The following AKAP11 variants were observed in gnomAD, a reference collection of about 807,000 sequenced individuals.
AKAP11 encodes A-kinase anchoring protein 11.
AKAP11 carries 36 observed loss-of-function variants against 146.1 expected under a neutral mutation model. That is an observed-to-expected ratio of 0.25 (90% CI 0.19 to 0.33). The LOEUF (loss-of-function observed/expected upper bound fraction) is 0.33. Among genes scored for constraint, AKAP11 ranks in the 10% least tolerant of loss-of-function variants. AKAP11 has a pLI of 1.00. For synonymous variants in AKAP11, 780 were observed against 786.5 expected, an observed-to-expected ratio of 0.99 and a Z score of 0.14; for missense variants, 2,201 against 2,197.0, an observed-to-expected ratio of 1.00 and a Z score of -0.04.
chr13:42,304,755 CT>C (rs200885238), intron 8 of AKAP11, among the ~76,000 whole-genome samples: 322 of 144,480 alleles, frequency 2.2e-3, no homozygotes, highest in Non-Finnish European at 1.9e-3. Context: ...CTCAGTGATT[CT>C]TTTTTTTTTT....
At chr13:42,288,754 G>A (rs973288106) in intron 3 of AKAP11, among the ~76,000 whole-genome samples, 1 of 152,066 alleles carries the variant, frequency 6.6e-6, no homozygotes, top group Non-Finnish European at 1.5e-5. Context: ...CTGACATCTT[G>A]AATAGGCCAG....
chr13:42,298,622 A>G lies in AKAP11; in HGVS notation c.441A>G (p.Lys147=). Residue 147 remains lysine, a synonymous_variant, in exon 7 of 13, where the codon AAA becomes AAG. Coordinates refer to ENST00000025301, the MANE Select transcript of AKAP11 (RefSeq NM_016248.4). The part of the protein sequence containing the change: ...RIDFIFSLLS[K]YATGIRYTLD... ...ATTTTATCTTTAGTCTCCTAAGTAA[A>G]TATGCTACTGGTATAAGGTACACCT... is the stretch of plus-strand genomic sequence containing the variant. The G allele has an allele frequency of 6.2e-7, 1 of 1,612,432 alleles. No individual in the cohort carries two copies. Among genetic ancestry groups the G allele is most frequent in the Non-Finnish European group, 8.5e-7 (1 of 1,179,338 alleles).
At position 42,300,905 on chromosome 13, in the gene AKAP11, T is replaced by C; in HGVS notation, c.2159T>C (p.Val720Ala). ...VTFTTKAAVS[V>A]STDNIKYVSA... ...TTTACAACAAAGGCAGCAGTTAGTG[T>C]CTCTACGGATAATATCAAGTATGTG... is the stretch of plus-strand genomic sequence containing the variant. Residue 720 changes from valine to alanine, a missense_variant, in exon 8 of 13, where the codon GTC becomes GCC. Physicochemically the swap from Val to Ala is moderately conservative, Grantham distance 64. This residue lies in a region of AKAP11 where 1,867 missense variants were observed against 1,833.5 expected (regional missense o/e 1.02). Transcript: ENST00000025301. The C allele has an allele frequency of 6.2e-7, 1 of 1,614,114 alleles. No homozygotes were observed. The highest frequency in any genetic ancestry group is 1.1e-5 in the South Asian group (1 of 91,080).
At chr13:42,296,128 G>A (rs1044589352) in intron 5 of AKAP11, among the ~76,000 whole-genome samples, 2 of 152,160 alleles carry the variant, frequency 1.3e-5, no homozygotes, top group African/African-American at 2.4e-5. Flanking sequence ...CTGTACATAT[G>A]ATAGGCATAC....
intron 1 of AKAP11, among the ~76,000 whole-genome samples, chr13:42,279,977 C>A (rs1594298434): frequency 6.6e-6 from 1 of 152,296 alleles, no homozygotes; most frequent in African/African-American, 2.4e-5. Context: ...TCTGAGGAGT[C>A]TATCATTACC....
At chr13:42,271,952 C>T (rs911333198), upstream of AKAP11, among the ~76,000 whole-genome samples, 1 of 151,536 alleles carries the variant, frequency 6.6e-6, no homozygotes, top group Non-Finnish European at 1.5e-5. Flanking sequence ...CCCACTTTTG[C>T]GCGGGCTCGG....
chr13:42,317,821 C>T, intron 12 of AKAP11, 133 bp downstream of exon 12: 3 of 1,012,254 alleles, frequency 3.0e-6, no homozygotes, highest in Non-Finnish European at 4.2e-6. Flanking sequence ...TGGGTTCAGA[C>T]ATCAGCTCTG....
intron 1 of AKAP11, among the ~76,000 whole-genome samples, chr13:42,274,396 C>T (rs1369154722): frequency 6.6e-6 from 1 of 152,156 alleles, no homozygotes; most frequent in Non-Finnish European, 1.5e-5. Flanking sequence ...TAAAAAAATA[C>T]TTCTGGGCCA....
chr13:42,278,584 A>G (rs1430822883), intron 1 of AKAP11, among the ~76,000 whole-genome samples: 1 of 152,098 alleles, frequency 6.6e-6, no homozygotes, highest in Non-Finnish European at 1.5e-5. Context: ...CCCCTGCCAC[A>G]TTTTTTATCC....
At chr13:42,287,686 TTC>T (rs1959177828) in intron 3 of AKAP11, among the ~76,000 whole-genome samples, 1 of 152,248 alleles carries the variant, frequency 6.6e-6, no homozygotes, top group African/African-American at 2.4e-5. Flanking sequence ...AAAAACTATT[TTC>T]TGTTTCTACT....
At chr13:42,288,525 C>T (rs961821553) in intron 3 of AKAP11, among the ~76,000 whole-genome samples, 7 of 152,200 alleles carry the variant, frequency 4.6e-5, no homozygotes, top group African/African-American at 1.7e-4. Flanking sequence ...TCCCACATAA[C>T]ACTAATACCA....
chr13:42,299,371 A>G lies in AKAP11; in HGVS notation c.625A>G (p.Ile209Val). The change falls in exon 8 of 13, where the codon ATT (isoleucine) becomes GTT (valine). Residue 209 changes from isoleucine (I) to valine (V), a missense_variant. Ile to Val is a conservative substitution (Grantham distance 29). Around this residue, in one of 3 missense-constraint regions of AKAP11, gnomAD observed 331 missense variants for 347.4 expected, o/e 0.95. Transcript: ENST00000025301. ...TCATTCTTTTCCTATAGGAATGAAC[A>G]TTACTGTGCTAAGGAGCCAGTGTGA... ...TSKPYNDGMN[I>V]TVLRSQCDAA... 6.2e-7 allele frequency: 1 copy of G among 1,607,176 alleles called. No homozygotes were observed. Among genetic ancestry groups the G allele is most frequent in the Non-Finnish European group, 8.5e-7 (1 of 1,177,442 alleles).
intron 3 of AKAP11, among the ~76,000 whole-genome samples, chr13:42,290,674 T>C (rs921849878): frequency 2.6e-5 from 4 of 152,228 alleles, no homozygotes; most frequent in Non-Finnish European, 5.9e-5. Context: ...CCAGTAGTCA[T>C]AATTCATTAC....
At position 42,303,637 on chromosome 13, in the gene AKAP11, A is replaced by C. The variant is rs917069873; in HGVS notation, c.4891A>C (p.Arg1631=). 4.3e-6 allele frequency: 7 copies of C among 1,614,072 alleles called. No homozygotes were observed. The highest frequency in any genetic ancestry group is 2.2e-5 in the East Asian group (1 of 44,904). The part of the protein sequence containing the change: ...PKFSSRYQKS[R]IFHLSVPQIH... ...ATTTAGCAGCCGCTATCAGAAATCT[A>C]GGATTTTTCATCTCAGTGTCCCTCA... The change falls in exon 8 of 13, where the codon AGG becomes CGG. Residue 1631 remains arginine, a synonymous_variant. Transcript: ENST00000025301.
At chr13:42,286,541 ATG>A (rs1959167889) in intron 3 of AKAP11, 142 bp downstream of exon 3, 1 of 524,244 alleles carries the variant, frequency 1.9e-6, no homozygotes, top group South Asian at 3.8e-5. Flanking sequence ...AAAGATTGGC[ATG>A]TATGAAAATA....
chr13:42,279,383 G>A (rs1383743859), intron 1 of AKAP11, among the ~76,000 whole-genome samples: 4 of 151,972 alleles, frequency 2.6e-5, no homozygotes, highest in Admixed American at 2.0e-4. Context: ...TACACTCTAC[G>A]TTTGTTTTTA....
At chr13:42,314,026 C>G (rs1256989303) in intron 11 of AKAP11, 86 bp downstream of exon 11, 3 of 1,345,852 alleles carry the variant, frequency 2.2e-6, no homozygotes, top group African/African-American at 2.9e-5. Flanking sequence ...ATCAGATAGG[C>G]TCTAGGTTAT....
chr13:42,303,658 C>T lies in AKAP11; in HGVS notation c.4912C>T (p.Pro1638Ser), dbSNP rs1415218188. 2.5e-6 allele frequency: 4 copies of T among 1,614,092 alleles called. No individual in the cohort carries two copies. The highest frequency in any genetic ancestry group is 2.2e-5 in the South Asian group (2 of 91,076). The change falls in exon 8 of 13, where the codon CCT (proline) becomes TCT (serine). Residue 1638 changes from proline to serine, a missense_variant. Physicochemically the swap from Pro to Ser is moderately conservative, Grantham distance 74. Around this residue, in one of 3 missense-constraint regions of AKAP11, gnomAD observed 1,867 missense variants for 1,833.5 expected, o/e 1.02. Coordinates refer to ENST00000025301, the MANE Select transcript of AKAP11 (RefSeq NM_016248.4). ...ATCTAGGATTTTTCATCTCAGTGTC[C>T]CTCAGATTCATGTTAATCTTGATAA... ...QKSRIFHLSV[P>S]QIHVNLDKKA...
At chr13:42,282,542 AT>A (rs1165327539) in intron 1 of AKAP11, among the ~76,000 whole-genome samples, 1 of 152,106 alleles carries the variant, frequency 6.6e-6, no homozygotes, top group African/African-American at 2.4e-5. Context: ...GGATATGTGT[AT>A]TTATTTAAAG....
Sources: allele counts gnomAD v4.1 joint callset (sites outside exome capture counted in the v4.1 genomes callset), GRCh38; gene constraint gnomAD v4.1.1; regional missense constraint gnomAD v4.1.1; transcripts MANE v1.5; gene names NCBI Gene and HGNC (gene_info 2026-07-23, HGNC 2026-07-21).